RBFOX3: variants seen among roughly 807,000 people sequenced by gnomAD.
RBFOX3 encodes the protein RNA binding protein fox-1 homolog 3.
A neutral mutation model predicts 48.7 loss-of-function variants in RBFOX3; 17 were observed. The ratio of observed to expected loss-of-function variants is 0.35; its 90% CI spans 0.24 to 0.52. The LOEUF is 0.52. Ranked by LOEUF, RBFOX3 falls within the 20% of genes least tolerant of loss-of-function variation. The pLI, the probability that RBFOX3 is intolerant of heterozygous loss-of-function variation, is 0.94. For synonymous variants in RBFOX3, 212 were observed against 209.5 expected (o/e 1.01, Z -0.10); for missense variants, 382 against 497.5 (o/e 0.77, Z 2.21).
At chr17:79,154,657 G>A (rs1435175073) in intron 4 of RBFOX3, among the ~76,000 whole-genome samples, 1 of 152,230 alleles carries the variant, frequency 6.6e-6, no homozygotes, top group Non-Finnish European at 1.5e-5. Context: ...GCCCTGCCCG[G>A]TCCCCACGTG....
the RBFOX3 span, among the ~76,000 whole-genome samples, chr17:79,632,742 A>T: frequency 1.5e-4 from 2 of 13,280 alleles, no homozygotes; most frequent in Admixed American, 2.0e-3. Flanking sequence ...CGTATCTACT[A>T]AAAAAAAAAA....
Position 79,103,682 on chromosome 17 carries a change from G to A in RBFOX3, c.414+391C>T, listed in dbSNP as rs1226752352. On this transcript the variant is annotated intron_variant, in intron 7 of 14. Transcript: ENST00000693108. This position sits in a 1 kb window ranked among gnomAD's most constrained non-coding sequence, Gnocchi z 6.1. ...CCCTCGGAGCCCAGGGTAGAGGGTC[G>A]TGCCTTCCTGGAAGGGGAGTAGGGC... 2.0e-5 allele frequency among the ~76,000 whole-genome samples: 3 copies of A among 152,094 alleles called. No individual in the cohort carries two copies. The highest frequency in any genetic ancestry group is 4.4e-5 in the Non-Finnish European group (3 of 67,988).
At chr17:79,366,272 T>C (rs977735830) in intron 2 of RBFOX3, among the ~76,000 whole-genome samples, 2 of 152,296 alleles carry the variant, frequency 1.3e-5, no homozygotes, top group East Asian at 1.9e-4. Flanking sequence ...GCACCATCAC[T>C]GGTAAAGGGG....
At position 79,390,094 on chromosome 17, in the gene RBFOX3, C is replaced by T. The variant is rs2061185206; in HGVS notation, c.-174-82270G>A. ...GCAGCCTCCGGGTCTCCGCAGCCTC[C>T]GGGTCTCCGTAGCCAGCCACCCGGC... On this transcript the variant is annotated intron_variant, in intron 2 of 14. Coordinates refer to ENST00000693108, the MANE Select transcript of RBFOX3 (RefSeq NM_001350451.2). The surrounding 1 kb of genome is among the most constrained non-coding windows in gnomAD (Gnocchi z 4.2). Among the ~76,000 whole-genome samples, 1 of 152,056 alleles carries T rather than the reference C, an allele frequency of 6.6e-6. No individual in the cohort carries two copies. The highest frequency in any genetic ancestry group is 2.4e-5 in the African/African-American group (1 of 41,410).
chr17:79,474,323 A>G (rs1371419854), intron 2 of RBFOX3, among the ~76,000 whole-genome samples: 3 of 152,142 alleles, frequency 2.0e-5, no homozygotes, highest in Admixed American at 1.3e-4. Flanking sequence ...TCCATCCAGA[A>G]TATCTCTGTG....
intron 3 of RBFOX3, among the ~76,000 whole-genome samples, chr17:79,265,399 C>T (rs2066527369): frequency 6.6e-6 from 1 of 152,158 alleles, no homozygotes; most frequent in African/African-American, 2.4e-5. Flanking sequence ...CTGACACTGT[C>T]CTCTCTCTTG....
chr17:79,215,036 G>C (rs1399303494), intron 4 of RBFOX3, among the ~76,000 whole-genome samples: 3 of 152,232 alleles, frequency 2.0e-5, no homozygotes, highest in East Asian at 3.9e-4. Context: ...GCAGGGCTTG[G>C]GGGAGTGACA....
At chr17:79,620,370 GACAT>G in the RBFOX3 span, among the ~76,000 whole-genome samples, 5 of 90,056 alleles carry the variant, frequency 5.6e-5, no homozygotes, top group African/African-American at 1.8e-4. Context: ...GACACACACG[GACAT>G]ACACACACAT....
At chr17:79,165,499 C>A (rs1210713771) in intron 4 of RBFOX3, among the ~76,000 whole-genome samples, 2 of 152,102 alleles carry the variant, frequency 1.3e-5, no homozygotes, top group Non-Finnish European at 2.9e-5. Context: ...GTGGCGGGGG[C>A]CCCTGGGCAG....
chr17:79,455,583 G>GCA (rs144186260), intron 2 of RBFOX3, among the ~76,000 whole-genome samples: 10 of 151,982 alleles, frequency 6.6e-5, no homozygotes, highest in Non-Finnish European at 1.3e-4. Context: ...ACGGGTGTGT[G>GCA]CACACACACA....
Position 79,090,799 on chromosome 17 carries a change from C to CTTTT in RBFOX3, c.*80_*83dup, listed in dbSNP as rs999821602. 6.7e-5 allele frequency: 95 copies of CTTTT among 1,424,592 alleles called. No homozygotes were observed. The African/African-American group carries it at 1.2e-3, about 18-fold the overall frequency. 88.2% of individuals were successfully genotyped at this position (1,424,592 alleles called of 1,614,324 possible). Reference sequence around the variant, plus strand: ...TTTTTTGTTGCTTGGATCTTAACATCTTTTTTTGTTTTTTTTGTTTTGTGA... The same window carrying CTTTT: ...TTTTTTGTTGCTTGGATCTTAACATCTTTTTTTTTTTGTTTTTTTTGTTTTGTGA... On this transcript the variant is annotated 3_prime_UTR_variant, in exon 15 of 15. Transcript: ENST00000693108.
At chr17:79,271,079 T>TC in intron 3 of RBFOX3, among the ~76,000 whole-genome samples, 1 of 83,174 alleles carries the variant, frequency 1.2e-5, no homozygotes, top group East Asian at 5.7e-4. Flanking sequence ...TTCATAAGAT[T>TC]TTTTTTTTTT....
rs1479245830 is a variant in RBFOX3, at chr17:79,477,537, CAG to C, written c.-175+4915_-175+4916del. Among the ~76,000 whole-genome samples, 6 of 150,040 alleles carry C rather than the reference CAG, an allele frequency of 4.0e-5. No homozygotes were observed. The highest frequency in any genetic ancestry group is 6.6e-5 in the Admixed American group (1 of 15,040). On this transcript the variant is annotated intron_variant, in intron 2 of 14. Transcript: ENST00000693108. The surrounding 1 kb of genome is among the most constrained non-coding windows in gnomAD (Gnocchi z 4.8). The stretch of plus-strand genomic sequence containing the variant: ...CCCCATCGCACTCCAGCCTGGGCGA[CAG>C]AGCGAAACTCCGTCACCGGAAAAAA...
In RBFOX3 at chr17:79,578,833, C is replaced by A. The variant is rs1476923536; in HGVS notation, c.-320+31993G>T. 2.6e-5 allele frequency among the ~76,000 whole-genome samples: 4 copies of A among 152,352 alleles called. No homozygotes were observed. The East Asian group carries it at 5.8e-4, about 22-fold the overall frequency. ...CAGATCATTCCAGAATTCCACCATT[C>A]TCCTGGCACAGGGTCTTTGCCCAGG... On this transcript the variant is annotated intron_variant, in intron 1 of 14. Transcript: ENST00000693108.
At chr17:79,463,176 C>CCGCCAT (rs528927328) in intron 2 of RBFOX3, among the ~76,000 whole-genome samples, 31,776 of 121,472 alleles carry the variant, frequency 0.26, 6,109 homozygotes, top group Non-Finnish European at 0.37. Context: ...GCCACCTCCA[C>CCGCCAT]CGCCATCGCC....
rs369074364 is a variant in RBFOX3 at position 79,397,938 on chromosome 17, C to T, written c.-175+84516G>A. Among the ~76,000 whole-genome samples the T allele has an allele frequency of 9.2e-5, 14 of 152,262 alleles. No individual in the cohort carries two copies. The East Asian group carries it at 1.4e-3, about 15-fold the overall frequency. ...CCTGGATCACCGTGAGACGCCGTCACGAATCTGTCCGGCGGCGGATTTTCA... is the reference window on the plus strand; with the variant it reads ...CCTGGATCACCGTGAGACGCCGTCATGAATCTGTCCGGCGGCGGATTTTCA... On this transcript the variant is annotated intron_variant, in intron 2 of 14. Coordinates refer to ENST00000693108, the MANE Select transcript of RBFOX3 (RefSeq NM_001350451.2).
At chr17:79,108,773 G>A (rs773038396) in intron 5 of RBFOX3, among the ~76,000 whole-genome samples, 3 of 152,242 alleles carry the variant, frequency 2.0e-5, no homozygotes, top group Non-Finnish European at 4.4e-5. Context: ...GTGACCAGAG[G>A]GGAAGTCACC....
At chr17:79,157,551 T>C (rs1184504819) in intron 4 of RBFOX3, among the ~76,000 whole-genome samples, 1 of 151,928 alleles carries the variant, frequency 6.6e-6, no homozygotes, top group South Asian at 2.1e-4. Context: ...CGTGGTAGAG[T>C]ATGAGGACCC....
chr17:79,141,290 A>G (rs1286606863), intron 4 of RBFOX3, among the ~76,000 whole-genome samples: 1 of 152,172 alleles, frequency 6.6e-6, no homozygotes. Flanking sequence ...TGGGGCAGGA[A>G]TGCTTATGAG....
Sources: allele counts gnomAD v4.1 joint callset (sites outside exome capture counted in the v4.1 genomes callset), GRCh38; gene constraint gnomAD v4.1.1; non-coding constraint Gnocchi (gnomAD v3.1); transcripts MANE v1.5; gene names NCBI Gene and HGNC (gene_info 2026-07-23, HGNC 2026-07-21).